HERC3: variants seen among roughly 807,000 people sequenced by gnomAD.
The protein encoded by HERC3 is HECT and RLD domain containing E3 ubiquitin protein ligase 3.
HERC3 carries 58 observed loss-of-function variants against 129.9 expected under a neutral mutation model. That is an observed-to-expected ratio of 0.45 (90% CI 0.36 to 0.56). HERC3 has a LOEUF of 0.56. HERC3 is among the 20% of genes least tolerant of loss of function. HERC3 has a pLI of 0.00. For missense variants in HERC3, 835 were observed against 1,244.2 expected, an observed-to-expected ratio of 0.67 and a Z score of 4.95; for synonymous variants, 430 against 451.0, an observed-to-expected ratio of 0.95 and a Z score of 0.59.
intron 3 of HERC3, among the ~76,000 whole-genome samples, chr4:88,606,613 G>A (rs746847761): frequency 6.6e-5 from 10 of 152,130 alleles, no homozygotes; most frequent in Non-Finnish European, 1.0e-4. Context: ...CACGTGGCTG[G>A]GGAGGCCTCA....
At chr4:88,623,122 T>G (rs1392391794) in intron 3 of HERC3, among the ~76,000 whole-genome samples, 1 of 152,216 alleles carries the variant, frequency 6.6e-6, no homozygotes, top group Non-Finnish European at 1.5e-5. Context: ...GTTTCTTATG[T>G]AATGATGAAA....
At chr4:88,550,766 C>T in the HERC3 span, among the ~76,000 whole-genome samples, 2 of 149,478 alleles carry the variant, frequency 1.3e-5, no homozygotes, top group Admixed American at 1.3e-4. Flanking sequence ...ACTTTCTTCA[C>T]AGAATTGGAA....
chr4:88,608,884 T>A (rs1165486834), intron 3 of HERC3, among the ~76,000 whole-genome samples: 1 of 151,918 alleles, frequency 6.6e-6, no homozygotes, highest in Non-Finnish European at 1.5e-5. Flanking sequence ...TTGAAGGGAG[T>A]ATTTTGGGAA....
the HERC3 span, among the ~76,000 whole-genome samples, chr4:88,532,491 C>G: frequency 6.6e-6 from 1 of 152,192 alleles, no homozygotes; most frequent in South Asian, 2.1e-4. Flanking sequence ...TATTCAGGCT[C>G]TCATAGGATT....
intron 3 of HERC3, among the ~76,000 whole-genome samples, chr4:88,634,079 A>T (rs1412017168): frequency 6.6e-6 from 1 of 152,066 alleles, no homozygotes; most frequent in Non-Finnish European, 1.5e-5. Flanking sequence ...ACCCACGGAG[A>T]GGAAGGAAGA....
intron 2 of HERC3, among the ~76,000 whole-genome samples, chr4:88,602,541 G>A (rs1411390132): frequency 2.0e-5 from 3 of 151,892 alleles, no homozygotes; most frequent in Non-Finnish European, 4.4e-5. Context: ...GCAGCAGTGC[G>A]ATCACAGCTC....
rs914848624 is a variant in HERC3, at chr4:88,703,987, A to G, written c.2658-111A>G. ...ATGCCTTAGGATGCCTCCTGATTTG[A>G]GAATTTGATGAAATTCTATTTTTTA... On this transcript the variant is annotated intron_variant, in intron 23 of 25. Coordinates refer to ENST00000402738, the MANE Select transcript of HERC3 (RefSeq NM_014606.3). 3.0e-6 allele frequency: 3 copies of G among 1,003,192 alleles called. No individual in the cohort carries two copies. In the African/African-American group the frequency reaches 4.8e-5, roughly 16 times the overall value. The allele number at this position is 1,003,192 out of a possible 1,614,324, so 62.1% of individuals were successfully genotyped here. A position where few individuals can be genotyped will look rare whatever the true frequency, so the allele number is the denominator to read the frequency against.
At chr4:88,554,365 G>C in the HERC3 span, among the ~76,000 whole-genome samples, 2 of 141,410 alleles carry the variant, frequency 1.4e-5, no homozygotes, top group African/African-American at 5.3e-5. Context: ...AAAAAAAAAA[G>C]GTATCCTGGC....
intron 3 of HERC3, among the ~76,000 whole-genome samples, chr4:88,607,623 C>T (rs958508346): frequency 2.0e-5 from 3 of 152,102 alleles, no homozygotes; most frequent in Non-Finnish European, 4.4e-5. Context: ...TGCCAATACA[C>T]CTGCTAATTT....
intron 3 of HERC3, 73 bp from the exon 4 acceptor site, chr4:88,649,767 T>G: frequency 7.7e-7 from 1 of 1,292,812 alleles, no homozygotes; most frequent in Non-Finnish European, 1.1e-6. Flanking sequence ...CCCAGGAAGA[T>G]AATCCTGTGT....
the HERC3 span, among the ~76,000 whole-genome samples, chr4:88,533,931 G>C: frequency 6.6e-6 from 1 of 151,896 alleles, no homozygotes; most frequent in Non-Finnish European, 1.5e-5. Context: ...CTATCACCCA[G>C]GTTTCTTAGC....
At chr4:88,594,843 G>A (rs2149167501) in intron 1 of HERC3, among the ~76,000 whole-genome samples, 1 of 152,254 alleles carries the variant, frequency 6.6e-6, no homozygotes, top group African/African-American at 2.4e-5. Flanking sequence ...GCTCACACCT[G>A]TAATCCCAGC....
intron 3 of HERC3, among the ~76,000 whole-genome samples, chr4:88,608,939 A>C (rs1015335092): frequency 1.3e-5 from 2 of 152,152 alleles, no homozygotes; most frequent in Admixed American, 6.5e-5. Flanking sequence ...CAGCAAGGTT[A>C]TGGTGAAGTT....
At chr4:88,672,965 C>A (rs1044243294) in intron 16 of HERC3, among the ~76,000 whole-genome samples, 1 of 152,138 alleles carries the variant, frequency 6.6e-6, no homozygotes, top group Admixed American at 6.6e-5. Flanking sequence ...GCAAAGGGAT[C>A]TAACACATGT....
intron 3 of HERC3, among the ~76,000 whole-genome samples, chr4:88,619,274 A>T (rs1206064848): frequency 3.3e-5 from 5 of 152,220 alleles, no homozygotes; most frequent in African/African-American, 1.2e-4. Context: ...AAGTACTAGG[A>T]CACTTTGACT....
At chr4:88,637,344 T>C (rs1316624645) in intron 3 of HERC3, among the ~76,000 whole-genome samples, 3 of 152,028 alleles carry the variant, frequency 2.0e-5, no homozygotes, top group Non-Finnish European at 1.5e-5. Context: ...GAGAATGGCA[T>C]GAACCCAGGA....
intron 3 of HERC3, among the ~76,000 whole-genome samples, chr4:88,608,744 C>G (rs1033756499): frequency 1.3e-5 from 2 of 152,178 alleles, no homozygotes; most frequent in African/African-American, 4.8e-5. Context: ...CCCTCTGTTT[C>G]CCTAGGCCAG....
At chr4:88,652,304 A>G (rs373556353) in intron 5 of HERC3, among the ~76,000 whole-genome samples, 2 of 152,132 alleles carry the variant, frequency 1.3e-5, no homozygotes, top group African/African-American at 2.4e-5. Context: ...TGCTGCTCCA[A>G]CTTTCACAGG....
At chr4:88,670,839 A>G (rs1273489099) in intron 16 of HERC3, among the ~76,000 whole-genome samples, 1 of 152,078 alleles carries the variant, frequency 6.6e-6, no homozygotes, top group African/African-American at 2.4e-5. Context: ...GGAGTTCAAG[A>G]GTGACTCTTT....
Sources: gnomAD v4.1 joint callset for allele counts (sites outside exome capture counted in the v4.1 genomes callset) on GRCh38, gnomAD v4.1.1 for gene constraint, MANE v1.5 for transcripts, NCBI Gene and HGNC (gene_info 2026-07-23, HGNC 2026-07-21) for gene names.